Variants in SUSD1 observed in about 807,000 individuals in gnomAD.
SUSD1 encodes the protein sushi domain containing 1.
A neutral mutation model predicts 86.9 loss-of-function variants in SUSD1; 65 were observed. The ratio of observed to expected loss-of-function variants is 0.75; its 90% CI spans 0.61 to 0.92. The LOEUF (loss-of-function observed/expected upper bound fraction) is 0.92. Ranked by LOEUF, SUSD1 falls within the 40% of genes least tolerant of loss-of-function variation. The pLI is 0.00. For missense variants in SUSD1, 850 were observed against 929.7 expected (o/e 0.91, Z 1.11); for synonymous variants, 346 against 350.0 (o/e 0.99, Z 0.13).
At chr9:112,168,983 G>A (rs973805270) in intron 1 of SUSD1, among the ~76,000 whole-genome samples, 1 of 152,026 alleles carries the variant, frequency 6.6e-6, no homozygotes, top group South Asian at 2.1e-4. Flanking sequence ...CCAAAACTCA[G>A]GAAGAAAAAG....
At chr9:112,050,364 C>A (rs1828136956) in intron 15 of SUSD1, among the ~76,000 whole-genome samples, 1 of 152,146 alleles carries the variant, frequency 6.6e-6, no homozygotes, top group Non-Finnish European at 1.5e-5. Flanking sequence ...AAGTCCTCTA[C>A]CCTTGTTGCA....
chr9:112,157,515 T>TC lies in SUSD1; in HGVS notation c.201dup (p.Arg68GlufsTer6), dbSNP rs764330438. ...CAGAACTTACCAACACACTGAGTCC[T>TC]CCCGTTCCCTACAAATCCATAGTTG... On this transcript the variant is annotated frameshift_variant, in exon 2 of 17. Coordinates refer to ENST00000374270, the MANE Select transcript of SUSD1 (RefSeq NM_022486.5). LOFTEE classifies it high-confidence loss of function. 1 of 1,613,646 alleles carries TC rather than the reference T, an allele frequency of 6.2e-7. No individual in the cohort carries two copies. Among genetic ancestry groups the TC allele is most frequent in the Non-Finnish European group, 8.5e-7 (1 of 1,179,604 alleles).
chr9:112,070,477 C>CGAA (rs1829221177), intron 12 of SUSD1, among the ~76,000 whole-genome samples: 2 of 152,188 alleles, frequency 1.3e-5, no homozygotes, highest in Admixed American at 6.5e-5. Context: ...ACCTGCTCTC[C>CGAA]TTTCCATCAA....
At chr9:112,081,202 T>C (rs1366042074) in intron 10 of SUSD1, among the ~76,000 whole-genome samples, 1 of 152,202 alleles carries the variant, frequency 6.6e-6, no homozygotes, top group Non-Finnish European at 1.5e-5. Flanking sequence ...AACACTGTGA[T>C]GATTAACGAG....
At chr9:112,052,156 G>A in intron 15 of SUSD1, 1 of 1,445,830 alleles carries the variant, frequency 6.9e-7, no homozygotes, top group Non-Finnish European at 9.0e-7. Context: ...CCCACTCACG[G>A]TGTTGAGTCC....
intron 8 of SUSD1, among the ~76,000 whole-genome samples, chr9:112,106,806 G>A (rs575352700): frequency 6.7e-6 from 1 of 150,348 alleles, no homozygotes; most frequent in South Asian, 2.1e-4. Flanking sequence ...CAATATTTCA[G>A]TCTTAACACT....
chr9:112,097,590 G>T (rs1830452842), intron 10 of SUSD1, among the ~76,000 whole-genome samples: 1 of 151,644 alleles, frequency 6.6e-6, no homozygotes, highest in Admixed American at 6.6e-5. Context: ...GTAGAATCAG[G>T]GTTTCATCAT....
rs367672469 is a variant in SUSD1, at chr9:112,078,641, G to A, written c.1650C>T (p.Pro550=). 1.9e-5 allele frequency: 31 copies of A among 1,613,844 alleles called. No individual in the cohort carries two copies. Among genetic ancestry groups the A allele is most frequent in the Admixed American group, 5.0e-5 (3 of 59,964 alleles). Residue 550 remains proline (P), a synonymous_variant, in exon 12 of 17, where the codon CCC becomes CCT. Transcript: ENST00000374270. ...CCGGACGTAGGTCCAAGCACACCTC[G>A]GGATCTCGGCTGCTGCTACTGATAT... ...TFNISSSSRD[P]EVCLDLRPGT...
chr9:112,168,863 C>T (rs772030372), intron 1 of SUSD1, among the ~76,000 whole-genome samples: 1 of 152,180 alleles, frequency 6.6e-6, no homozygotes, highest in Non-Finnish European at 1.5e-5. Context: ...TAACCTAACC[C>T]TCAACCATTC....
intron 2 of SUSD1, among the ~76,000 whole-genome samples, chr9:112,152,481 A>C (rs577809444): frequency 1.3e-5 from 2 of 151,138 alleles, no homozygotes; most frequent in Non-Finnish European, 2.9e-5. Context: ...AGCTCACTGC[A>C]ACCTCAACCT....
intron 13 of SUSD1, among the ~76,000 whole-genome samples, chr9:112,061,315 G>C (rs1162570444): frequency 6.6e-6 from 1 of 152,186 alleles, no homozygotes; most frequent in African/African-American, 2.4e-5. Context: ...AAACCAGGTA[G>C]TCAGGCTTAG....
intron 10 of SUSD1, among the ~76,000 whole-genome samples, chr9:112,082,710 T>C (rs1046937273): frequency 1.4e-4 from 21 of 152,096 alleles, no homozygotes; most frequent in African/African-American, 5.1e-4. Flanking sequence ...ATGTTGCTTT[T>C]AGTTTTTGTT....
In SUSD1 at chr9:112,047,386, T is replaced by C. The variant is rs541664309; in HGVS notation, c.2149+5013A>G. On this transcript the variant is annotated intron_variant, in intron 15 of 16. Transcript: ENST00000374270. Reference sequence around the variant, plus strand: ...TCGACATGAGATTTGGGTGGGTACATAGAAGAAAACCGTATTAGGGCCTTA... The same window carrying C: ...TCGACATGAGATTTGGGTGGGTACACAGAAGAAAACCGTATTAGGGCCTTA... 5.9e-5 allele frequency among the ~76,000 whole-genome samples: 9 copies of C among 152,242 alleles called. No homozygotes were observed. The East Asian group carries it at 1.5e-3, about 26-fold the overall frequency.
intron 1 of SUSD1, 55 bp from the exon 2 acceptor site, chr9:112,157,668 T>C (rs1833392423): frequency 7.0e-7 from 1 of 1,435,670 alleles, no homozygotes; most frequent in Admixed American, 1.8e-5. Flanking sequence ...GAGACACATG[T>C]AGTTAGTGGA....
chr9:112,154,351 AAGAG>A (rs1554774531), intron 2 of SUSD1, among the ~76,000 whole-genome samples: 1 of 141,760 alleles, frequency 7.1e-6, no homozygotes, highest in Non-Finnish European at 1.5e-5. Context: ...AAAAAAAAAA[AAGAG>A]AGAGAAAAAT....
chr9:112,041,757 A>T, intron 16 of SUSD1, 110 bp downstream of exon 16: 3 of 1,068,554 alleles, frequency 2.8e-6, no homozygotes, highest in Non-Finnish European at 4.2e-6. Flanking sequence ...GCCAAGGACA[A>T]CCTCCACCCA....
At chr9:112,138,902 C>T (rs563291894) in intron 5 of SUSD1, among the ~76,000 whole-genome samples, 124 of 152,180 alleles carry the variant, frequency 8.1e-4, no homozygotes, top group African/African-American at 2.7e-3. Flanking sequence ...TAGTTATAAA[C>T]AAATATAACC....
chr9:112,142,910 C>T (rs548913291), intron 4 of SUSD1, among the ~76,000 whole-genome samples: 100 of 133,526 alleles, frequency 7.5e-4, no homozygotes, highest in African/African-American at 2.7e-3. Context: ...TAGTTAATAT[C>T]GGAATATCTA....
At chr9:112,058,707 T>C in intron 13 of SUSD1, 21 bp from the exon 14 acceptor site, 10 of 1,612,702 alleles carry the variant, frequency 6.2e-6, no homozygotes, top group Non-Finnish European at 8.5e-6. Context: ...AAAGGAGAAG[T>C]GTCCATCAGA....
Sources: gnomAD v4.1 joint callset for allele counts (sites outside exome capture counted in the v4.1 genomes callset) on GRCh38, gnomAD v4.1.1 for gene constraint, MANE v1.5 for transcripts, NCBI Gene and HGNC (gene_info 2026-07-23, HGNC 2026-07-21) for gene names.